ERICH1: variants seen among roughly 807,000 people sequenced by gnomAD.
The protein encoded by ERICH1 is glutamate-rich protein 1.
A neutral mutation model predicts 39.6 loss-of-function variants in ERICH1; 56 were observed. The observed-to-expected ratio is 1.41, with a 90% confidence interval of 1.14 to 1.77. The LOEUF (loss-of-function observed/expected upper bound fraction) is 1.77. ERICH1 is among the 40% of genes most tolerant of loss of function. The pLI is 0.00. For missense variants in ERICH1, 826 were observed against 575.4 expected, an observed-to-expected ratio of 1.44 and a Z score of -4.45; for synonymous variants, 313 against 223.6, an observed-to-expected ratio of 1.40 and a Z score of -3.57.
rs141450629 is a variant in ERICH1, at chr8:692,582, C to A, written c.200G>T (p.Arg67Leu). The change falls in exon 3 of 6, where the codon CGG becomes CTG. Residue 67 changes from arginine (R) to leucine (L), a missense_variant. Physicochemically the swap from Arg to Leu is moderately radical, Grantham distance 102. Transcript: ENST00000262109. Reference protein sequence around the residue: ...DTGSETPTARRLYTASGPPEG... With the variant: ...DTGSETPTARLLYTASGPPEG... ...AGGAGGCCCGCTGGCAGTGTAGAGC[C>A]GTCGGGCAGTCGGGGTCTCAGAGCC... is the stretch of plus-strand genomic sequence containing the variant. 213 of 1,607,186 alleles carry A rather than the reference C, an allele frequency of 1.3e-4. No individual in the cohort carries two copies. Among genetic ancestry groups the A allele is most frequent in the Non-Finnish European group, 1.8e-4 (206 of 1,176,518 alleles).
At chr8:625,487 A>G (rs1797553796) in intron 3 of ERICH1, among the ~76,000 whole-genome samples, 1 of 152,138 alleles carries the variant, frequency 6.6e-6, no homozygotes, top group Non-Finnish European at 1.5e-5. Flanking sequence ...GTCTGGGTGC[A>G]TGGTGAGGTC....
intron 1 of ERICH1, among the ~76,000 whole-genome samples, chr8:716,486 G>A (rs763357171): frequency 2.0e-5 from 3 of 152,210 alleles, no homozygotes; most frequent in Non-Finnish European, 4.4e-5. Flanking sequence ...CGCGCCCTCT[G>A]GGAACCCACG....
At chr8:727,203 C>T (rs75970468) in intron 1 of ERICH1, among the ~76,000 whole-genome samples, 2 of 152,182 alleles carry the variant, frequency 1.3e-5, no homozygotes, top group African/African-American at 4.8e-5. Context: ...CATACACAGA[C>T]ACGTGCACAC....
intron 3 of ERICH1, among the ~76,000 whole-genome samples, chr8:683,512 C>G (rs958828729): frequency 1.3e-5 from 2 of 152,336 alleles, no homozygotes; most frequent in African/African-American, 2.4e-5. Context: ...TTCTCGCTCT[C>G]TCTCTCTTAA....
At chr8:660,890 G>T (rs1439312808), downstream of ERICH1, among the ~76,000 whole-genome samples, 1 of 152,080 alleles carries the variant, frequency 6.6e-6, no homozygotes, top group African/African-American at 2.4e-5. Context: ...CAGGCTCCGG[G>T]TTCCTGGGAT....
At chr8:615,566 G>A (rs1456989775) in intron 3 of ERICH1, 10 of 350,104 alleles carry the variant, frequency 2.9e-5, no homozygotes, top group Admixed American at 9.2e-5. Flanking sequence ...GGCTGCAGCT[G>A]CAGACAGCTA....
At chr8:670,858 C>T (rs901323937) in intron 4 of ERICH1, among the ~76,000 whole-genome samples, 9 of 149,574 alleles carry the variant, frequency 6.0e-5, no homozygotes, top group Admixed American at 4.0e-4. Flanking sequence ...GCCCCTGCTT[C>T]GACCTCTGAG....
chr8:654,478 C>T (rs143984451), intron 3 of ERICH1, among the ~76,000 whole-genome samples: 10 of 152,070 alleles, frequency 6.6e-5, no homozygotes, highest in East Asian at 1.9e-4. Context: ...ACAGGGGTCT[C>T]GGCATTTTGT....
chr8:616,998 G>T lies in ERICH1; in HGVS notation c.977-1714C>A, dbSNP rs1796961671. ...AGAGAGAGAGACATTGGTTATATAA[G>T]CGAGCAAATATCCAGAAGGAAGAAA... On this transcript the variant is annotated intron_variant, in intron 3 of 3. Transcript: ENST00000522706. 1.3e-5 allele frequency among the ~76,000 whole-genome samples: 2 copies of T among 148,854 alleles called. 1 individual carries two copies.
intron 3 of ERICH1, among the ~76,000 whole-genome samples, chr8:635,013 C>A (rs1798313785): frequency 6.6e-6 from 1 of 152,000 alleles, no homozygotes; most frequent in South Asian, 2.1e-4. Context: ...GCAGCCTGGC[C>A]ACCCGTGGCT....
At chr8:723,055 C>T (rs1240453816) in intron 1 of ERICH1, among the ~76,000 whole-genome samples, 1 of 152,186 alleles carries the variant, frequency 6.6e-6, no homozygotes, top group Non-Finnish European at 1.5e-5. Context: ...GGGGCAGATC[C>T]CGTGGGAATG....
At chr8:677,762 G>C (rs1267045325) in intron 3 of ERICH1, among the ~76,000 whole-genome samples, 1 of 152,182 alleles carries the variant, frequency 6.6e-6, no homozygotes, top group Non-Finnish European at 1.5e-5. Flanking sequence ...TTGGAGATAA[G>C]TAACACATCG....
downstream of ERICH1, among the ~76,000 whole-genome samples, chr8:663,221 G>A (rs1801694090): frequency 6.6e-6 from 1 of 152,242 alleles, no homozygotes; most frequent in Non-Finnish European, 1.5e-5. Context: ...CAGGACAGGG[G>A]CCGGCGGGGA....
intron 3 of ERICH1, chr8:615,524 C>A (rs1003101941): frequency 9.3e-6 from 4 of 428,828 alleles, no homozygotes; most frequent in African/African-American, 8.1e-5. Flanking sequence ...AGGGAAGGCT[C>A]AGACAATGGC....
intron 3 of ERICH1, among the ~76,000 whole-genome samples, chr8:633,567 T>C (rs1798186447): frequency 1.3e-5 from 2 of 152,192 alleles, no homozygotes; most frequent in Non-Finnish European, 2.9e-5. Flanking sequence ...TCTCAAGGGT[T>C]CCTGATTACC....
intron 3 of ERICH1, among the ~76,000 whole-genome samples, chr8:648,502 C>CAAAAAAAAAAAAAAAAA (rs531723403): frequency 7.3e-5 from 1 of 13,734 alleles, no homozygotes; most frequent in African/African-American, 1.4e-4. Flanking sequence ...AAAGAAAAAG[C>CAAAAAAAAAAAAAAAAA]AAAAAAAAAA....
chr8:663,758 GTTTT>G (rs5888809), downstream of ERICH1, among the ~76,000 whole-genome samples: 1 of 145,652 alleles, frequency 6.9e-6, no homozygotes, highest in African/African-American at 2.5e-5. Flanking sequence ...TTGACTGATG[GTTTT>G]TTTTTTTTTT....
At chr8:670,922 C>G (rs978294905) in intron 4 of ERICH1, among the ~76,000 whole-genome samples, 1 of 151,888 alleles carries the variant, frequency 6.6e-6, no homozygotes, top group African/African-American at 2.4e-5. Flanking sequence ...GCTCCAACCT[C>G]TGAGCCCACC....
At chr8:624,191 A>T (rs1378049274) in intron 3 of ERICH1, among the ~76,000 whole-genome samples, 1 of 152,240 alleles carries the variant, frequency 6.6e-6, no homozygotes. Context: ...AACCACAATG[A>T]GACATCAGCT....
Sources: gnomAD v4.1 joint callset for allele counts (sites outside exome capture counted in the v4.1 genomes callset) on GRCh38, gnomAD v4.1.1 for gene constraint, MANE v1.5 for transcripts, NCBI Gene and HGNC (gene_info 2026-07-23, HGNC 2026-07-21) for gene names.